The following ZNF521 variants were observed in gnomAD, a reference collection of about 807,000 sequenced individuals.
ZNF521 encodes the protein zinc finger protein 521.
A neutral mutation model predicts 105.5 loss-of-function variants in ZNF521; 14 were observed. That is an observed-to-expected ratio of 0.13 (90% CI 0.09 to 0.21). The LOEUF (loss-of-function observed/expected upper bound fraction) is 0.21, where lower values mean the gene tolerates loss of function less well. Among genes scored for constraint, ZNF521 ranks in the 10% least tolerant of loss-of-function variants. The pLI is 1.00. For synonymous variants in ZNF521, 635 were observed against 606.0 expected, an observed-to-expected ratio of 1.05 and a Z score of -0.70; for missense variants, 1,233 against 1,629.7, an observed-to-expected ratio of 0.76 and a Z score of 4.19.
chr18:25,168,032 C>T (rs2035378110), intron 5 of ZNF521, among the ~76,000 whole-genome samples: 1 of 152,198 alleles, frequency 6.6e-6, no homozygotes, highest in African/African-American at 2.4e-5. Context: ...CTCAGAATAG[C>T]TCCAAGGTTA....
intron 7 of ZNF521, among the ~76,000 whole-genome samples, chr18:25,067,866 C>T (rs560311914): frequency 4.0e-4 from 61 of 152,164 alleles, no homozygotes; most frequent in African/African-American, 1.3e-3. Context: ...CAAAATGTTA[C>T]GTATCAGTGG....
intron 3 of ZNF521, among the ~76,000 whole-genome samples, chr18:25,240,809 C>A (rs1050882053): frequency 1.3e-5 from 2 of 152,006 alleles, no homozygotes; most frequent in African/African-American, 4.8e-5. Flanking sequence ...ATTAAAAACC[C>A]CATGGAAGCT....
intron 3 of ZNF521, among the ~76,000 whole-genome samples, chr18:25,242,899 T>A (rs1438218792): frequency 6.6e-6 from 1 of 152,212 alleles, no homozygotes; most frequent in Admixed American, 6.5e-5. Context: ...AAATACGCAA[T>A]GCCATCGTGT....
chr18:25,275,956 G>A (rs570242140), intron 3 of ZNF521, among the ~76,000 whole-genome samples: 7 of 152,238 alleles, frequency 4.6e-5, no homozygotes, highest in African/African-American at 1.4e-4. Flanking sequence ...TATTGATGGC[G>A]GAGGAGCACA....
At chr18:25,210,219 G>A (rs559497973) in intron 4 of ZNF521, among the ~76,000 whole-genome samples, 5 of 152,208 alleles carry the variant, frequency 3.3e-5, no homozygotes, top group Non-Finnish European at 7.4e-5. Context: ...CTTATAAAGA[G>A]GGTAAAGTAT....
intron 3 of ZNF521, among the ~76,000 whole-genome samples, chr18:25,308,648 A>ACCCCCCCCCCCCCCCCC (rs764455271): frequency 1.7e-5 from 2 of 116,302 alleles, no homozygotes; most frequent in African/African-American, 3.1e-5. Context: ...CCTTAATGAC[A>ACCCCCCCCCCCCCCCCC]TCCCCCCCCC....
At chr18:25,298,820 G>T (rs191618043) in intron 3 of ZNF521, among the ~76,000 whole-genome samples, 52 of 152,246 alleles carry the variant, frequency 3.4e-4, no homozygotes, top group Non-Finnish European at 5.9e-5. Flanking sequence ...GGTAGTAACT[G>T]TAACTAACAC....
rs958078873 is a variant in ZNF521, at chr18:25,079,014, G to T, written c.3906+10451C>A. Among the ~76,000 whole-genome samples, 4 of 152,328 alleles carry T rather than the reference G, an allele frequency of 2.6e-5. No homozygotes were observed. The East Asian group carries it at 7.7e-4, about 29-fold the overall frequency. Reference sequence around the variant, plus strand: ...CTTCTTTCACTTTAGACTGTGGCTTGCATCGCACAAATCACCACTGCTCTT... The same window carrying T: ...CTTCTTTCACTTTAGACTGTGGCTTTCATCGCACAAATCACCACTGCTCTT... On this transcript the variant is annotated intron_variant, in intron 7 of 7. Transcript: ENST00000361524.
At chr18:25,335,100 T>C (rs1414450285) in intron 2 of ZNF521, among the ~76,000 whole-genome samples, 1 of 152,142 alleles carries the variant, frequency 6.6e-6, no homozygotes, top group Non-Finnish European at 1.5e-5. Flanking sequence ...CACTGAGACA[T>C]TCCACTGCTC....
chr18:25,101,996 C>T (rs1010178896), intron 5 of ZNF521, among the ~76,000 whole-genome samples: 2 of 152,122 alleles, frequency 1.3e-5, no homozygotes, highest in Non-Finnish European at 2.9e-5. Flanking sequence ...AAGGAAAATA[C>T]AGCAATGATA....
chr18:25,271,788 A>G (rs186166075), intron 3 of ZNF521, among the ~76,000 whole-genome samples: 45 of 152,284 alleles, frequency 3.0e-4, no homozygotes, highest in Admixed American at 1.4e-3. Context: ...ACTTAAACAT[A>G]AGACCTAAAA....
chr18:25,078,849 TG>T (rs1055942610), intron 7 of ZNF521, among the ~76,000 whole-genome samples: 3 of 152,196 alleles, frequency 2.0e-5, no homozygotes, highest in African/African-American at 7.2e-5. Flanking sequence ...CATCACCTTC[TG>T]GGCTCCCAGC....
intron 5 of ZNF521, among the ~76,000 whole-genome samples, chr18:25,100,490 C>T (rs1261893498): frequency 6.6e-6 from 1 of 151,376 alleles, no homozygotes; most frequent in Non-Finnish European, 1.5e-5. Flanking sequence ...TGCAATGGCA[C>T]ATGGGGGTGT....
intron 5 of ZNF521, among the ~76,000 whole-genome samples, chr18:25,093,237 A>G (rs911099653): frequency 1.3e-4 from 20 of 152,272 alleles, no homozygotes; most frequent in African/African-American, 4.6e-4. Flanking sequence ...GCCTCAGGGG[A>G]CATATCTTAA....
At chr18:25,065,772 A>G (rs2144101615) in intron 7 of ZNF521, among the ~76,000 whole-genome samples, 1 of 152,318 alleles carries the variant, frequency 6.6e-6, no homozygotes, top group South Asian at 2.1e-4. Flanking sequence ...ATATGTGCTC[A>G]TATCAAGATG....
In ZNF521 at chr18:25,123,126, A is replaced by G. The variant is rs184757149; in HGVS notation, c.3659-31045T>C. On this transcript the variant is annotated intron_variant, in intron 5 of 7. Coordinates refer to ENST00000361524, the MANE Select transcript of ZNF521 (RefSeq NM_015461.3). ...ACAGAGATGTCTAATAATTATCTGT[A>G]CTTACAAATGACTCATTATATGAGT... is the stretch of plus-strand genomic sequence containing the variant. Among the ~76,000 whole-genome samples the G allele has an allele frequency of 5.9e-4, 87 of 146,288 alleles. 1 individual carries two copies. The highest frequency in any genetic ancestry group is 3.8e-3 in the East Asian group (19 of 4,986).
intron 5 of ZNF521, among the ~76,000 whole-genome samples, chr18:25,151,501 TTGACTGACTGAA>T (rs1366839839): frequency 2.6e-4 from 39 of 152,202 alleles, no homozygotes; most frequent in Admixed American, 1.3e-4. Context: ...GAATAAATGA[TTGACTGACTGAA>T]TGGCCCACTC....
intron 5 of ZNF521, among the ~76,000 whole-genome samples, chr18:25,139,919 G>A (rs1332968335): frequency 6.6e-6 from 1 of 152,068 alleles, no homozygotes; most frequent in African/African-American, 2.4e-5. Flanking sequence ...TAACTTCCTT[G>A]CCCCTTCACC....
In ZNF521 at chr18:25,239,930, C is replaced by T. The variant is rs566645454; in HGVS notation, c.221-12233G>A. On this transcript the variant is annotated intron_variant, in intron 3 of 7. Transcript: ENST00000361524. ...TCAAAGCAGTTAACATATTTTCTCT[C>T]TCCCTCTCCTCCTGTCCCTTTCCCT... Among the ~76,000 whole-genome samples the T allele has an allele frequency of 3.2e-4, 49 of 152,122 alleles. No individual in the cohort carries two copies. The Middle Eastern group carries it at 0.017, about 53-fold the overall frequency.
Sources: allele counts gnomAD v4.1 joint callset (sites outside exome capture counted in the v4.1 genomes callset), GRCh38; gene constraint gnomAD v4.1.1; transcripts MANE v1.5; gene names NCBI Gene and HGNC (gene_info 2026-07-23, HGNC 2026-07-21).